The following SLC38A8 variants were observed in gnomAD, a reference collection of about 807,000 sequenced individuals.
SLC38A8 encodes amino acid transporter SLC38A8.
Under a neutral mutation model 46.0 loss-of-function variants are expected in SLC38A8, and 65 were observed. That is an observed-to-expected ratio of 1.41 (90% CI 1.16 to 1.74). The LOEUF (loss-of-function observed/expected upper bound fraction) is 1.74. Among genes scored for constraint, SLC38A8 ranks in the 40% most tolerant of loss-of-function variants. SLC38A8 has a pLI of 0.00. For synonymous variants in SLC38A8, 447 were observed against 243.7 expected, an observed-to-expected ratio of 1.83 and a Z score of -7.77; for missense variants, 998 against 567.9, an observed-to-expected ratio of 1.76 and a Z score of -7.70.
chr16:84,035,832 T>G (rs1249832285), intron 3 of SLC38A8, among the ~76,000 whole-genome samples: 1 of 152,258 alleles, frequency 6.6e-6, no homozygotes, highest in Admixed American at 6.5e-5. Context: ...CAATCGCAGC[T>G]GGCGATTTTA....
rs369454720 is a variant in SLC38A8 at position 84,013,422 on chromosome 16, G to GT, written c.1163-371dup. Among the ~76,000 whole-genome samples, 122 of 108,692 alleles carry GT rather than the reference G, an allele frequency of 1.1e-3. 3 individuals carry two copies. The highest frequency in any genetic ancestry group is 3.8e-3 in the African/African-American group (92 of 24,520). The allele number at this position is 108,692 out of a possible 152,430, so 71.3% of individuals were successfully genotyped here. On this transcript the variant is annotated intron_variant, in intron 9 of 10. Coordinates refer to ENST00000299709, the MANE Select transcript of SLC38A8 (RefSeq NM_001080442.3). ...ACCATTACTTTCTTTTGTTGTGTGTGTGTTTTTTTTTTTTTTTTTTTTTTT... is the reference window on the plus strand; with the variant it reads ...ACCATTACTTTCTTTTGTTGTGTGTGTTGTTTTTTTTTTTTTTTTTTTTTTT...
At chr16:84,009,927 A>G (rs376060313) in intron 10 of SLC38A8, 50 bp from the exon 11 acceptor site, 7 of 1,541,984 alleles carry the variant, frequency 4.5e-6, no homozygotes, top group African/African-American at 1.4e-5. Flanking sequence ...TTTTGCACAA[A>G]TAAGCCACAC....
chr16:84,036,956 C>T, intron 2 of SLC38A8, 56 bp from the exon 3 acceptor site: 2 of 1,503,774 alleles, frequency 1.3e-6, no homozygotes, highest in Non-Finnish European at 9.0e-7. Flanking sequence ...CACCCACCCC[C>T]AGCCAGCCAC....
intron 3 of SLC38A8, 125 bp downstream of exon 3, chr16:84,036,577 G>T: frequency 9.4e-7 from 1 of 1,059,174 alleles, no homozygotes; most frequent in Non-Finnish European, 1.4e-6. Flanking sequence ...ACAAGAGTGT[G>T]GTTTCAGCCT....
chr16:84,019,228 C>G (rs2136659), intron 7 of SLC38A8, among the ~76,000 whole-genome samples: 62,214 of 151,804 alleles, frequency 0.41, 13,650 homozygotes, highest in Non-Finnish European at 0.49. Context: ...GCACATGTCA[C>G]CATGCTCGGC....
chr16:84,042,494 T>G, intron 1 of SLC38A8, 57 bp downstream of exon 1: 3 of 192,618 alleles, frequency 1.6e-5, no homozygotes, highest in Non-Finnish European at 2.1e-5. Context: ...TCCCATCCAC[T>G]CCCTTTGCTT....
intron 1 of SLC38A8, 80 bp downstream of exon 1, chr16:84,042,471 T>G: frequency 4.2e-6 from 1 of 236,678 alleles, no homozygotes; most frequent in Non-Finnish European, 8.1e-6. Flanking sequence ...CCATCAATCC[T>G]CTCTCCCCCC....
chr16:84,037,463 C>G (rs975111373), intron 2 of SLC38A8, among the ~76,000 whole-genome samples: 1 of 152,166 alleles, frequency 6.6e-6, no homozygotes, highest in Non-Finnish European at 1.5e-5. Context: ...TGTCAGTGCT[C>G]AAGAAATGGT....
chr16:84,016,465 G>T, intron 9 of SLC38A8, 54 bp downstream of exon 9: 2 of 1,582,312 alleles, frequency 1.3e-6, no homozygotes, highest in African/African-American at 1.3e-5. Context: ...AGTCCCCACA[G>T]AGATGAGCAG....
At chr16:84,036,584 G>C (rs1286966841) in intron 3 of SLC38A8, 118 bp downstream of exon 3, 6 of 1,155,798 alleles carry the variant, frequency 5.2e-6, no homozygotes, top group African/African-American at 4.6e-5. Context: ...TGTGGTTTCA[G>C]CCTCTGCTGT....
chr16:84,010,827 T>C (rs1403655152), intron 10 of SLC38A8, among the ~76,000 whole-genome samples: 3 of 152,072 alleles, frequency 2.0e-5, no homozygotes, highest in Admixed American at 6.6e-5. Flanking sequence ...CAGCCTCTGA[T>C]GAAATCCCAT....
At chr16:84,037,976 T>C (rs1482302712) in intron 2 of SLC38A8, among the ~76,000 whole-genome samples, 2 of 152,058 alleles carry the variant, frequency 1.3e-5, no homozygotes, top group Non-Finnish European at 2.9e-5. Context: ...ACCCAGCTAA[T>C]TGTTTTTTGT....
intron 10 of SLC38A8, among the ~76,000 whole-genome samples, chr16:84,012,074 G>C (rs1051188287): frequency 6.6e-6 from 1 of 152,170 alleles, no homozygotes; most frequent in African/African-American, 2.4e-5. Flanking sequence ...CCTGGCTCCA[G>C]AACTGGGGAA....
At chr16:84,012,411 C>G (rs2084965182) in intron 10 of SLC38A8, among the ~76,000 whole-genome samples, 1 of 152,346 alleles carries the variant, frequency 6.6e-6, no homozygotes, top group Middle Eastern at 3.4e-3. Flanking sequence ...ATTATCTGGT[C>G]TCAACAGCAT....
chr16:84,037,476 T>A (rs1279165635), intron 2 of SLC38A8, among the ~76,000 whole-genome samples: 2 of 152,170 alleles, frequency 1.3e-5, no homozygotes, highest in Non-Finnish European at 2.9e-5. Context: ...GAAATGGTGT[T>A]CCGGCTGGGC....
chr16:84,016,560 A>C lies in SLC38A8; in HGVS notation c.1121T>G (p.Ile374Ser). 6.2e-7 allele frequency: 1 copy of C among 1,614,132 alleles called. No individual in the cohort carries two copies. Among genetic ancestry groups the C allele is most frequent in the African/African-American group, 1.3e-5 (1 of 75,070 alleles). ...GAAGAAGGAACTGATGCCTCCGATGATGCTGACGATCTCGCTGAGGTCAGG... is the reference window on the plus strand; with the variant it reads ...GAAGAAGGAACTGATGCCTCCGATGCTGCTGACGATCTCGCTGAGGTCAGG... Reference protein sequence around the residue: ...FMPDLSEIVSIIGGISSFFIF... With the variant: ...FMPDLSEIVSSIGGISSFFIF... The change falls in exon 9 of 11, where the codon ATC becomes AGC. Residue 374 changes from isoleucine to serine, a missense_variant. Physicochemically the swap from Ile to Ser is moderately radical, Grantham distance 142. Transcript: ENST00000299709.
intron 2 of SLC38A8, 21 bp from the exon 3 acceptor site, chr16:84,036,921 C>A (rs752511016): frequency 4.4e-6 from 7 of 1,595,112 alleles, no homozygotes; most frequent in Admixed American, 3.5e-5. Flanking sequence ...GGAGCAGGAC[C>A]TGGAACTGGG....
chr16:84,023,875 C>T (rs2085126457), intron 6 of SLC38A8, among the ~76,000 whole-genome samples: 3 of 152,220 alleles, frequency 2.0e-5, no homozygotes, highest in African/African-American at 7.2e-5. Flanking sequence ...GCCTGAAAGA[C>T]ACAGTGACAC....
intron 7 of SLC38A8, among the ~76,000 whole-genome samples, chr16:84,022,352 C>T (rs1367210137): frequency 2.0e-5 from 3 of 152,240 alleles, no homozygotes; most frequent in Non-Finnish European, 2.9e-5. Flanking sequence ...TAAAGACCCT[C>T]TGCCTCCCAC....
Sources: gnomAD v4.1 joint callset for allele counts (sites outside exome capture counted in the v4.1 genomes callset) on GRCh38, gnomAD v4.1.1 for gene constraint, MANE v1.5 for transcripts, NCBI Gene and HGNC (gene_info 2026-07-23, HGNC 2026-07-21) for gene names.